The following LPIN2 variants were observed in gnomAD, a reference collection of about 807,000 sequenced individuals.
LPIN2 encodes the protein phosphatidate phosphatase LPIN2.
A neutral mutation model predicts 111.4 loss-of-function variants in LPIN2; 55 were observed. That is an observed-to-expected ratio of 0.49 (90% CI 0.40 to 0.62). The LOEUF is 0.62. Among genes scored for constraint, LPIN2 ranks in the 20% least tolerant of loss-of-function variants. LPIN2 has a pLI of 0.00. For synonymous variants in LPIN2, 425 were observed against 414.0 expected (o/e 1.03, Z -0.32); for missense variants, 992 against 1,112.1 (o/e 0.89, Z 1.54).
chr18:2,964,263 A>G (rs1236782516), intron 1 of LPIN2, among the ~76,000 whole-genome samples: 1 of 143,040 alleles, frequency 7.0e-6, no homozygotes, highest in Non-Finnish European at 1.5e-5. Context: ...AGCCTGGGTG[A>G]CAGAGCAAGA....
At chr18:2,996,427 A>G (rs897542574) in intron 1 of LPIN2, among the ~76,000 whole-genome samples, 1 of 151,596 alleles carries the variant, frequency 6.6e-6, no homozygotes, top group Non-Finnish European at 1.5e-5. Context: ...GTGACGTTGC[A>G]GAAAAGATAT....
chr18:3,012,760 G>C (rs2078628708), intron 1 of LPIN2, among the ~76,000 whole-genome samples: 1 of 152,006 alleles, frequency 6.6e-6, no homozygotes, highest in Non-Finnish European at 1.5e-5. Context: ...GGCGGCGAGG[G>C]AACTGCGCGG....
At chr18:2,920,736 C>A in intron 19 of LPIN2, 42 bp downstream of exon 19, 1 of 1,490,656 alleles carries the variant, frequency 6.7e-7, no homozygotes. Context: ...AACTGTACCC[C>A]TGGCTGCAGG....
chr18:2,975,070 C>T (rs1470359917), intron 1 of LPIN2, among the ~76,000 whole-genome samples: 2 of 152,192 alleles, frequency 1.3e-5, no homozygotes, highest in African/African-American at 2.4e-5. Flanking sequence ...ATCCTCACAA[C>T]TAGGTGAGGT....
intron 1 of LPIN2, among the ~76,000 whole-genome samples, chr18:2,997,626 A>G (rs1264553223): frequency 2.6e-5 from 4 of 152,160 alleles, no homozygotes; most frequent in African/African-American, 9.7e-5. Flanking sequence ...CAAACCTTAC[A>G]TATGGCATCA....
intron 1 of LPIN2, among the ~76,000 whole-genome samples, chr18:2,997,526 T>TA (rs1276169347): frequency 6.6e-6 from 1 of 152,194 alleles, no homozygotes; most frequent in Non-Finnish European, 1.5e-5. Context: ...ACCAGGCCAC[T>TA]ATGCCTATAA....
intron 4 of LPIN2, chr18:2,946,450 G>T: frequency 7.0e-7 from 1 of 1,434,818 alleles, no homozygotes; most frequent in African/African-American, 1.4e-5. Context: ...AGACTGGAAC[G>T]CCTGGGTGAT....
At chr18:2,993,113 C>T (rs1240062730) in intron 1 of LPIN2, among the ~76,000 whole-genome samples, 1 of 150,892 alleles carries the variant, frequency 6.6e-6, no homozygotes, top group Non-Finnish European at 1.5e-5. Context: ...CCACTGCGCT[C>T]CAGCCTGGGA....
chr18:3,010,871 T>C (rs1019811754), intron 1 of LPIN2, among the ~76,000 whole-genome samples: 1 of 152,110 alleles, frequency 6.6e-6, no homozygotes, highest in African/African-American at 2.4e-5. Flanking sequence ...AGTAAACATT[T>C]GACCCTTTAC....
intron 9 of LPIN2, among the ~76,000 whole-genome samples, chr18:2,929,538 G>A (rs1172513323): frequency 6.6e-6 from 1 of 152,188 alleles, no homozygotes; most frequent in African/African-American, 2.4e-5. Context: ...TTTACTGACA[G>A]GCAACGGCAT....
intron 16 of LPIN2, among the ~76,000 whole-genome samples, chr18:2,923,377 G>A (rs1445030946): frequency 7.1e-5 from 9 of 126,102 alleles, no homozygotes; most frequent in African/African-American, 2.2e-4. Flanking sequence ...CCAAGGTCGC[G>A]CCATTGCACT....
At position 2,945,943 on chromosome 18, in the gene LPIN2, G is replaced by T. The variant is rs1470265475; in HGVS notation, c.590+5112C>A. On this transcript the variant is annotated intron_variant, in intron 4 of 19. Coordinates refer to ENST00000677752, the MANE Select transcript of LPIN2 (RefSeq NM_001375808.2). ...TTGGTCTAAGAATGTATTAAAATCA[G>T]AAGTTTTTCTTCTACAACAGCTCCA... The T allele has an allele frequency of 7.8e-6, 11 of 1,404,338 alleles. No homozygotes were observed. The African/African-American group carries it at 1.1e-4, about 14-fold the overall frequency. The allele number at this position is 1,404,338 out of a possible 1,614,324, so 87.0% of individuals were successfully genotyped here.
At chr18:2,999,037 G>A (rs2078388597) in intron 1 of LPIN2, among the ~76,000 whole-genome samples, 1 of 152,188 alleles carries the variant, frequency 6.6e-6, no homozygotes, top group South Asian at 2.1e-4. Flanking sequence ...CATTAGTGAA[G>A]ATAGGTGTAA....
At chr18:2,955,342 G>A (rs191928034) in intron 2 of LPIN2, among the ~76,000 whole-genome samples, 2 of 152,282 alleles carry the variant, frequency 1.3e-5, no homozygotes, top group Non-Finnish European at 2.9e-5. Flanking sequence ...GAAAGGCGAA[G>A]TGGGGGCAGA....
At position 2,928,763 on chromosome 18, in the gene LPIN2, T is replaced by C. The variant is rs573522661; in HGVS notation, c.1551-103A>G. 30 of 871,642 alleles carry C rather than the reference T, an allele frequency of 3.4e-5. No homozygotes were observed. In the South Asian group the frequency reaches 3.9e-4, roughly 11 times the overall value. The allele number at this position is 871,642 out of a possible 1,614,324, so 54.0% of individuals were successfully genotyped here. ...GGGAGGAGGGAAGTGACATATAAAA[T>C]TGCTTATTCTTTTCAATAAAGATGA... On this transcript the variant is annotated intron_variant, in intron 10 of 19. Transcript: ENST00000677752.
At chr18:2,939,767 TTAATAA>T (rs1474230342) in intron 5 of LPIN2, among the ~76,000 whole-genome samples, 164 bp from the exon 6 acceptor site, 1 of 152,190 alleles carries the variant, frequency 6.6e-6, no homozygotes, top group African/African-American at 2.4e-5. Flanking sequence ...CTTGAGTTCT[TTAATAA>T]TAATAATAAA....
At chr18:3,000,987 GGAGA>G (rs1185665592) in intron 1 of LPIN2, among the ~76,000 whole-genome samples, 5 of 149,582 alleles carry the variant, frequency 3.3e-5, no homozygotes, top group Admixed American at 2.7e-4. Context: ...GGAGAGGGAG[GGAGA>G]GAGAGAGAAA....
chr18:2,975,838 T>C (rs948932867), intron 1 of LPIN2, among the ~76,000 whole-genome samples: 1 of 152,214 alleles, frequency 6.6e-6, no homozygotes, highest in Non-Finnish European at 1.5e-5. Flanking sequence ...TTCAGCAGGT[T>C]GCTATAGAAG....
Position 2,921,567 on chromosome 18 carries a change from T to A in LPIN2, c.2408A>T (p.Gln803Leu), listed in dbSNP as rs777924824. 8.1e-6 allele frequency: 13 copies of A among 1,614,074 alleles called. No individual in the cohort carries two copies. The Admixed American group carries it at 2.2e-4, about 27-fold the overall frequency. ...GTTTCCAAAGGCAGCATAGAAGGGC[T>A]GCTTAGACGGGGCAAACAGATTCTT... Reference protein sequence around the residue: ...DIKNLFAPSKQPFYAAFGNRP... With the variant: ...DIKNLFAPSKLPFYAAFGNRP... The change falls in exon 18 of 20, where the codon CAG becomes CTG. Residue 803 changes from glutamine (Q) to leucine (L), a missense_variant. Coordinates refer to ENST00000677752, the MANE Select transcript of LPIN2 (RefSeq NM_001375808.2).
Sources: allele counts gnomAD v4.1 joint callset (sites outside exome capture counted in the v4.1 genomes callset), GRCh38; gene constraint gnomAD v4.1.1; transcripts MANE v1.5; gene names NCBI Gene and HGNC (gene_info 2026-07-23, HGNC 2026-07-21).